The following CNBD1 variants were observed in gnomAD, a reference collection of about 807,000 sequenced individuals.
CNBD1 encodes the protein cyclic nucleotide binding domain containing 1.
A neutral mutation model predicts 54.4 loss-of-function variants in CNBD1; 71 were observed. That is an observed-to-expected ratio of 1.30 (90% CI 1.08 to 1.59). The LOEUF (loss-of-function observed/expected upper bound fraction) is 1.59. Ranked by LOEUF, CNBD1 falls within the 40% of genes most tolerant of loss-of-function variation. CNBD1 has a pLI of 0.00. For missense variants in CNBD1, 659 were observed against 518.0 expected, an observed-to-expected ratio of 1.27 and a Z score of -2.64; for synonymous variants, 182 against 170.7, an observed-to-expected ratio of 1.07 and a Z score of -0.51.
At chr8:86,878,110 G>GAA (rs1410021766) in intron 1 of CNBD1, among the ~76,000 whole-genome samples, 2 of 147,680 alleles carry the variant, frequency 1.4e-5, no homozygotes, top group Non-Finnish European at 3.0e-5. Flanking sequence ...GTGTGTGAGA[G>GAA]AGAGAGAGAG....
chr8:87,169,622 A>C (rs1166366141), intron 4 of CNBD1, among the ~76,000 whole-genome samples: 1 of 152,080 alleles, frequency 6.6e-6, no homozygotes, highest in Admixed American at 6.6e-5. Context: ...ATTTTTCTGC[A>C]TATGGATATC....
chr8:87,235,356 C>T (rs1203709550), intron 5 of CNBD1, among the ~76,000 whole-genome samples: 2 of 152,252 alleles, frequency 1.3e-5, no homozygotes, highest in South Asian at 2.1e-4. Flanking sequence ...CATCTTTCAA[C>T]GAGCCTTCCT....
chr8:87,028,904 A>G (rs1351718964), intron 4 of CNBD1, among the ~76,000 whole-genome samples: 1 of 152,232 alleles, frequency 6.6e-6, no homozygotes, highest in Non-Finnish European at 1.5e-5. Flanking sequence ...TTTCTCTGCA[A>G]CAAGGTGTAC....
chr8:87,246,828 A>G lies in CNBD1; in HGVS notation c.771+9716A>G, dbSNP rs192096356. Among the ~76,000 whole-genome samples, 28 of 152,220 alleles carry G rather than the reference A, an allele frequency of 1.8e-4. No individual in the cohort carries two copies. The East Asian group carries it at 5.4e-3, about 29-fold the overall frequency. On this transcript the variant is annotated intron_variant, in intron 6 of 10. Coordinates refer to ENST00000518476, the MANE Select transcript of CNBD1 (RefSeq NM_173538.3). ...GGTTTTGGGATGATTTAAGAGCATT[A>G]CACTTATTGTGAACCTTATTTCTAT...
chr8:87,202,261 G>C (rs939112068), intron 4 of CNBD1, among the ~76,000 whole-genome samples: 3 of 152,048 alleles, frequency 2.0e-5, no homozygotes, highest in African/African-American at 7.2e-5. Flanking sequence ...GTCCATAATA[G>C]CAATATTAAT....
chr8:86,912,965 T>A (rs902130227), intron 3 of CNBD1, among the ~76,000 whole-genome samples: 1 of 152,066 alleles, frequency 6.6e-6, no homozygotes, highest in Non-Finnish European at 1.5e-5. Context: ...AAATAAAAAA[T>A]TTTAAAAATA....
downstream of CNBD1, among the ~76,000 whole-genome samples, chr8:87,386,799 T>A (rs1015911930): frequency 6.6e-6 from 1 of 151,996 alleles, no homozygotes; most frequent in Non-Finnish European, 1.5e-5. Context: ...CCAAGACACA[T>A]AATTGTCAGA....
At chr8:87,336,334 A>C (rs996292176) in intron 8 of CNBD1, among the ~76,000 whole-genome samples, 1 of 151,976 alleles carries the variant, frequency 6.6e-6, no homozygotes, top group Non-Finnish European at 1.5e-5. Context: ...CAGGTACTCC[A>C]GTTAGTTGTA....
chr8:86,877,261 A>G (rs1409156141), intron 1 of CNBD1, among the ~76,000 whole-genome samples: 1 of 152,122 alleles, frequency 6.6e-6, no homozygotes, highest in African/African-American at 2.4e-5. Flanking sequence ...CTCATTATTT[A>G]TACTATCTCC....
intron 6 of CNBD1, among the ~76,000 whole-genome samples, chr8:87,240,236 AATT>A (rs758950444): frequency 6.6e-6 from 1 of 152,138 alleles, no homozygotes; most frequent in African/African-American, 2.4e-5. Flanking sequence ...TATAAAAGCA[AATT>A]ATTAAGTTGA....
intron 4 of CNBD1, among the ~76,000 whole-genome samples, chr8:87,194,080 G>A (rs1203912355): frequency 2.6e-5 from 4 of 152,120 alleles, no homozygotes; most frequent in Non-Finnish European, 4.4e-5. Flanking sequence ...GAGCCTTATT[G>A]TGAACTGCTT....
chr8:87,019,826 C>T (rs907066381), intron 4 of CNBD1, among the ~76,000 whole-genome samples: 16 of 151,948 alleles, frequency 1.1e-4, no homozygotes, highest in African/African-American at 3.4e-4. Flanking sequence ...TGCAGTGAGC[C>T]GAGATTGCGC....
At chr8:87,424,535 C>T (rs552129193) in intron 2 of CNBD1, among the ~76,000 whole-genome samples, 2 of 152,188 alleles carry the variant, frequency 1.3e-5, no homozygotes, top group South Asian at 4.2e-4. Flanking sequence ...CGTTATGTAC[C>T]CAGTAGTCAT....
At chr8:87,074,193 A>T (rs893989385) in intron 4 of CNBD1, among the ~76,000 whole-genome samples, 1 of 151,620 alleles carries the variant, frequency 6.6e-6, no homozygotes, top group African/African-American at 2.4e-5. Context: ...ATTTGTTGTT[A>T]CATTTGGACT....
At chr8:86,995,337 C>T (rs1012918209) in intron 4 of CNBD1, among the ~76,000 whole-genome samples, 7 of 152,170 alleles carry the variant, frequency 4.6e-5, no homozygotes, top group African/African-American at 1.4e-4. Flanking sequence ...TGCAACTACT[C>T]GATTCTGCAT....
Position 87,147,846 on chromosome 8 carries a change from G to T in CNBD1, c.432-58147G>T, listed in dbSNP as rs529027764. ...GCAATGAAGGACTGATTGGGTTGTG[G>T]TTTTAAAGCTACATTAATTCTGTTT... On this transcript the variant is annotated intron_variant, in intron 4 of 10. Transcript: ENST00000518476. Among the ~76,000 whole-genome samples, 440 of 152,160 alleles carry T rather than the reference G, an allele frequency of 2.9e-3. 1 individual carries two copies. Among genetic ancestry groups the T allele is most frequent in the African/African-American group, 0.01 (424 of 41,532 alleles).
At position 87,061,452 on chromosome 8, in the gene CNBD1, T is replaced by G. The variant is rs890267068; in HGVS notation, c.431+121698T>G. On this transcript the variant is annotated intron_variant, in intron 4 of 10. Coordinates refer to ENST00000518476, the MANE Select transcript of CNBD1 (RefSeq NM_173538.3). ...TTACTTTTTTCCTTCTGAATTTTTC[T>G]AATCATAAAGATTCAATCCTCTGTC... Among the ~76,000 whole-genome samples the G allele has an allele frequency of 3.3e-5, 5 of 152,240 alleles. No individual in the cohort carries two copies. The East Asian group carries it at 9.6e-4, about 29-fold the overall frequency.
intron 1 of CNBD1, among the ~76,000 whole-genome samples, chr8:86,882,141 C>A (rs1808614423): frequency 6.6e-6 from 1 of 152,000 alleles, no homozygotes; most frequent in African/African-American, 2.4e-5. Flanking sequence ...GATGAAGATG[C>A]CAAAAGCAAT....
intron 3 of CNBD1, among the ~76,000 whole-genome samples, chr8:86,939,305 C>A (rs541830218): frequency 9.2e-5 from 14 of 152,002 alleles, no homozygotes; most frequent in Middle Eastern, 3.4e-3. Flanking sequence ...ATAACATAAG[C>A]CTAATATATT....
Sources: gnomAD v4.1 joint callset for allele counts (sites outside exome capture counted in the v4.1 genomes callset) on GRCh38, gnomAD v4.1.1 for gene constraint, MANE v1.5 for transcripts, NCBI Gene and HGNC (gene_info 2026-07-23, HGNC 2026-07-21) for gene names.